Variants in WWOX observed in about 807,000 individuals in gnomAD.
The protein encoded by WWOX is WW domain-containing oxidoreductase.
Under a neutral mutation model 46.2 loss-of-function variants are expected in WWOX, and 69 were observed. The ratio of observed to expected loss-of-function variants is 1.49; its 90% CI spans 1.23 to 1.82. The LOEUF is 1.82. Ranked by LOEUF, WWOX falls within the 40% of genes most tolerant of loss-of-function variation. The pLI is 0.00. For missense variants in WWOX, 919 were observed against 542.6 expected (o/e 1.69, Z -6.89); for synonymous variants, 359 against 202.6 (o/e 1.77, Z -6.56).
At chr16:78,702,029 ATATATATATATAT>A (rs2048230147) in intron 8 of WWOX, among the ~76,000 whole-genome samples, 1 of 122,354 alleles carries the variant, frequency 8.2e-6, no homozygotes, top group African/African-American at 4.1e-5. Context: ...ATATATATAT[ATATATATATATAT>A]ATAAAATAAT....
chr16:78,881,595 T>C (rs903115990), intron 8 of WWOX, among the ~76,000 whole-genome samples: 1 of 152,198 alleles, frequency 6.6e-6, no homozygotes, highest in Non-Finnish European at 1.5e-5. Flanking sequence ...TCAAGAGTAA[T>C]TGTGACTTGA....
At chr16:78,549,148 G>T (rs898663863) in intron 8 of WWOX, among the ~76,000 whole-genome samples, 3 of 152,290 alleles carry the variant, frequency 2.0e-5, no homozygotes, top group African/African-American at 2.4e-5. Flanking sequence ...TACTACATCC[G>T]TAATTGGGAG....
chr16:78,387,250 A>G (rs1419261376), intron 6 of WWOX, among the ~76,000 whole-genome samples: 1 of 152,182 alleles, frequency 6.6e-6, no homozygotes, highest in African/African-American at 2.4e-5. Context: ...TGATTATAAG[A>G]TTTTTTGTAG....
chr16:78,497,182 T>C (rs993708809), intron 8 of WWOX, among the ~76,000 whole-genome samples: 1 of 152,204 alleles, frequency 6.6e-6, no homozygotes, highest in Non-Finnish European at 1.5e-5. Context: ...AAAGACTCAA[T>C]AGCATATGCA....
chr16:78,933,483 T>A (rs1449510474), intron 8 of WWOX, among the ~76,000 whole-genome samples: 2 of 152,190 alleles, frequency 1.3e-5, no homozygotes, highest in East Asian at 3.9e-4. Flanking sequence ...ACATAACAGT[T>A]CTGAAGACCA....
intron 8 of WWOX, among the ~76,000 whole-genome samples, chr16:78,759,110 G>A (rs572524221): frequency 2.0e-5 from 3 of 152,134 alleles, no homozygotes; most frequent in African/African-American, 4.8e-5. Flanking sequence ...ATGGGTGCCA[G>A]TTAGGGATTC....
chr16:78,665,118 C>G (rs991650161), intron 8 of WWOX, among the ~76,000 whole-genome samples: 1 of 152,152 alleles, frequency 6.6e-6, no homozygotes, highest in Non-Finnish European at 1.5e-5. Flanking sequence ...CAAAAGATAG[C>G]AGAGCCCGGG....
intron 8 of WWOX, among the ~76,000 whole-genome samples, chr16:78,762,050 G>T (rs908043980): frequency 1.3e-5 from 2 of 152,164 alleles, no homozygotes; most frequent in African/African-American, 4.8e-5. Flanking sequence ...CTCCTATTTG[G>T]TGTCAACTCT....
chr16:78,615,640 A>C (rs181293557), intron 8 of WWOX, among the ~76,000 whole-genome samples: 14 of 152,230 alleles, frequency 9.2e-5, no homozygotes, highest in Admixed American at 6.5e-5. Context: ...TGGGCAACAG[A>C]GCAAGACCCC....
At chr16:78,971,680 T>A (rs943770521) in intron 8 of WWOX, among the ~76,000 whole-genome samples, 3 of 151,920 alleles carry the variant, frequency 2.0e-5, no homozygotes, top group Admixed American at 2.0e-4. Flanking sequence ...TTTTTCAAGT[T>A]AAAGCATTGA....
chr16:78,278,084 C>T (rs1597437753), intron 5 of WWOX, among the ~76,000 whole-genome samples: 1 of 152,098 alleles, frequency 6.6e-6, no homozygotes, highest in Non-Finnish European at 1.5e-5. Flanking sequence ...GATGATGTTT[C>T]CATAATGCCA....
intron 8 of WWOX, among the ~76,000 whole-genome samples, chr16:78,606,661 A>G (rs980303628): frequency 1.3e-5 from 2 of 151,772 alleles, no homozygotes; most frequent in African/African-American, 4.8e-5. Flanking sequence ...ACACATCCAG[A>G]CAAATGTGAA....
At chr16:78,855,003 T>G (rs1472436561) in intron 8 of WWOX, among the ~76,000 whole-genome samples, 1 of 152,108 alleles carries the variant, frequency 6.6e-6, no homozygotes, top group East Asian at 1.9e-4. Flanking sequence ...CATTATTTTA[T>G]TTAAAAAAAT....
rs1197641430 is a variant in WWOX, at chr16:78,900,968, G to A, written c.1057-310640G>A. Reference sequence around the variant, plus strand: ...AGCACTAATTAATCTCTCTAGAAGGGTACCACAGTTTCCATGAGCGTTCAT... The same window carrying A: ...AGCACTAATTAATCTCTCTAGAAGGATACCACAGTTTCCATGAGCGTTCAT... On this transcript the variant is annotated intron_variant, in intron 8 of 8. Transcript: ENST00000566780. Among the ~76,000 whole-genome samples, 9 of 152,086 alleles carry A rather than the reference G, an allele frequency of 5.9e-5. 1 individual carries two copies. Among genetic ancestry groups the A allele is most frequent in the Non-Finnish European group, 1.0e-4 (7 of 68,026 alleles).
intron 4 of WWOX, among the ~76,000 whole-genome samples, chr16:78,144,686 G>T (rs1379645421): frequency 6.7e-6 from 1 of 149,868 alleles, no homozygotes; most frequent in African/African-American, 2.5e-5. Context: ...ATGCCCGGCT[G>T]ATTTTTGTAT....
chr16:78,372,093 A>G (rs1023104421), intron 5 of WWOX, among the ~76,000 whole-genome samples: 20 of 152,204 alleles, frequency 1.3e-4, no homozygotes, highest in South Asian at 2.1e-4. Flanking sequence ...AGACTGGGCA[A>G]TGAATCTAGT....
intron 8 of WWOX, among the ~76,000 whole-genome samples, chr16:78,866,363 A>T (rs1204836587): frequency 1.3e-5 from 2 of 152,098 alleles, no homozygotes; most frequent in East Asian, 3.8e-4. Flanking sequence ...AACTTGCAAT[A>T]ATTGTGACTC....
At chr16:78,718,092 G>GGTTTTTTTTTTTTT (rs1555522406) in intron 8 of WWOX, among the ~76,000 whole-genome samples, 1 of 139,616 alleles carries the variant, frequency 7.2e-6, no homozygotes. Flanking sequence ...GGTTCTGGTG[G>GGTTTTTTTTTTTTT]TTGTATTTTT....
At chr16:78,476,912 C>A (rs1219969171) in intron 8 of WWOX, among the ~76,000 whole-genome samples, 2 of 152,128 alleles carry the variant, frequency 1.3e-5, no homozygotes, top group Non-Finnish European at 2.9e-5. Context: ...TCCCCTCTCC[C>A]CCTTCTCCTT....
Sources: gnomAD v4.1 joint callset for allele counts (sites outside exome capture counted in the v4.1 genomes callset) on GRCh38, gnomAD v4.1.1 for gene constraint, MANE v1.5 for transcripts, NCBI Gene and HGNC (gene_info 2026-07-23, HGNC 2026-07-21) for gene names.